RPS6KC1: variants seen among roughly 807,000 people sequenced by gnomAD.
RPS6KC1 encodes the protein ribosomal protein S6 kinase C1, also known as inactive ribosomal protein S6 kinase delta-1.
RPS6KC1 carries 54 observed loss-of-function variants against 103.8 expected under a neutral mutation model. The ratio of observed to expected loss-of-function variants is 0.52; its 90% CI spans 0.42 to 0.65. The LOEUF (loss-of-function observed/expected upper bound fraction) is 0.65, where lower values mean the gene tolerates loss of function less well. Among genes scored for constraint, RPS6KC1 ranks in the 30% least tolerant of loss-of-function variants. The pLI, the probability that RPS6KC1 is intolerant of heterozygous loss-of-function variation, is 0.00. For synonymous variants in RPS6KC1, 439 were observed against 438.7 expected (o/e 1.00, Z -0.01); for missense variants, 1,151 against 1,253.8 (o/e 0.92, Z 1.24).
At position 213,241,460 on chromosome 1, in the gene RPS6KC1, A is replaced by C. The variant is rs749169017; in HGVS notation, c.1984A>C (p.Arg662=). Residue 662 remains arginine, a synonymous_variant, in exon 11 of 15, where the codon AGG becomes CGG. Transcript: ENST00000366960. ...GTTTAAAGCTCAGGACACCATTAGC[A>C]GGGGCTCAGATGACTCAGTGCCAGT... ...VEFKAQDTIS[R]GSDDSVPVIS... 6.2e-7 allele frequency: 1 copy of C among 1,614,028 alleles called. No homozygotes were observed. Among genetic ancestry groups the C allele is most frequent in the Admixed American group, 1.7e-5 (1 of 59,966 alleles).
the RPS6KC1 span, among the ~76,000 whole-genome samples, chr1:213,344,992 C>G: frequency 6.6e-6 from 1 of 152,148 alleles, no homozygotes; most frequent in African/African-American, 2.4e-5. Context: ...GAAGAAAATG[C>G]AAATTCTTTT....
In RPS6KC1 at chr1:213,241,556, A is replaced by G; in HGVS notation, c.2080A>G (p.Asn694Asp). 6.2e-7 allele frequency: 1 copy of G among 1,613,920 alleles called. No homozygotes were observed. Among genetic ancestry groups the G allele is most frequent in the Non-Finnish European group, 8.5e-7 (1 of 1,179,936 alleles). Residue 694 changes from asparagine (N) to aspartate (D), a missense_variant, in exon 11 of 15, where the codon AAT (asparagine) becomes GAT (aspartate). Transcript: ENST00000366960. ...TDEGRPDLLV[N>D]LPGELESTRE... is the part of the protein sequence containing the mutation. ...TGAAGGAAGACCTGATCTTCTTGTA[A>G]ATTTACCTGGTGAATTGGAGTCAAC...
the RPS6KC1 span, among the ~76,000 whole-genome samples, chr1:213,693,249 C>T: frequency 6.6e-6 from 1 of 152,174 alleles, no homozygotes; most frequent in African/African-American, 2.4e-5. Context: ...TCTTGAACCC[C>T]CAGCCTCCTT....
chr1:213,781,009 C>T, the RPS6KC1 span, among the ~76,000 whole-genome samples: 7 of 152,004 alleles, frequency 4.6e-5, no homozygotes, highest in South Asian at 2.1e-4. Context: ...GGTAACAGAG[C>T]GAGATTCTGT....
At chr1:213,391,424 G>A in the RPS6KC1 span, among the ~76,000 whole-genome samples, 2 of 152,170 alleles carry the variant, frequency 1.3e-5, no homozygotes, top group Non-Finnish European at 2.9e-5. Flanking sequence ...TAAACAAGCA[G>A]AGGAGATGGA....
chr1:213,616,216 G>A, the RPS6KC1 span, among the ~76,000 whole-genome samples: 1 of 152,244 alleles, frequency 6.6e-6, no homozygotes, highest in Non-Finnish European at 1.5e-5. Context: ...ATGAGAGAAT[G>A]TAAGCAAATG....
At chr1:213,649,935 C>T in the RPS6KC1 span, among the ~76,000 whole-genome samples, 1 of 152,172 alleles carries the variant, frequency 6.6e-6, no homozygotes, top group Non-Finnish European at 1.5e-5. Context: ...CTAGACCTCT[C>T]GGCATTCATG....
chr1:213,730,461 A>G, the RPS6KC1 span, among the ~76,000 whole-genome samples: 2 of 152,160 alleles, frequency 1.3e-5, no homozygotes, highest in African/African-American at 4.8e-5. Flanking sequence ...AGTATTTGCC[A>G]TTCTGACTGG....
intron 3 of RPS6KC1, among the ~76,000 whole-genome samples, chr1:213,095,650 G>C (rs951676599): frequency 1.3e-5 from 2 of 152,160 alleles, no homozygotes; most frequent in Non-Finnish European, 2.9e-5. Flanking sequence ...AGATATTGCA[G>C]ATTTGGTTTC....
chr1:213,723,946 G>C, the RPS6KC1 span, among the ~76,000 whole-genome samples: 1 of 151,972 alleles, frequency 6.6e-6, no homozygotes, highest in Non-Finnish European at 1.5e-5. Context: ...TGGGGGGTTG[G>C]GGGGGACAGT....
the RPS6KC1 span, among the ~76,000 whole-genome samples, chr1:213,575,971 C>T: frequency 6.6e-6 from 1 of 152,058 alleles, no homozygotes; most frequent in Non-Finnish European, 1.5e-5. Context: ...GATCTGTTTC[C>T]CAAGAGTAAA....
At chr1:213,301,956 G>A in the RPS6KC1 span, among the ~76,000 whole-genome samples, 31 of 152,052 alleles carry the variant, frequency 2.0e-4, no homozygotes, top group Admixed American at 1.4e-3. Context: ...GGCAAGTCTC[G>A]AACTCCTGGC....
At chr1:213,071,345 T>C (rs1040196148) in intron 2 of RPS6KC1, among the ~76,000 whole-genome samples, 2 of 152,142 alleles carry the variant, frequency 1.3e-5, no homozygotes, top group African/African-American at 4.8e-5. Context: ...GCCAGGCTGG[T>C]CTCGAATTCC....
the RPS6KC1 span, among the ~76,000 whole-genome samples, chr1:213,848,102 T>G: frequency 6.6e-6 from 1 of 152,144 alleles, no homozygotes; most frequent in Non-Finnish European, 1.5e-5. Flanking sequence ...GTAGACCTCA[T>G]TAAGGAGGGA....
chr1:213,825,496 T>G, the RPS6KC1 span, among the ~76,000 whole-genome samples: 1 of 152,204 alleles, frequency 6.6e-6, no homozygotes, highest in Non-Finnish European at 1.5e-5. Flanking sequence ...GAGTTGTGAC[T>G]GAGGTTTTCT....
intron 5 of RPS6KC1, among the ~76,000 whole-genome samples, chr1:213,126,438 A>G (rs947312136): frequency 3.9e-5 from 6 of 152,252 alleles, no homozygotes; most frequent in African/African-American, 1.4e-4. Flanking sequence ...AAGTTGAAAA[A>G]AAGTTGAAAA....
chr1:213,664,410 T>C, the RPS6KC1 span, among the ~76,000 whole-genome samples: 49,114 of 151,926 alleles, frequency 0.32, 8,183 homozygotes, highest in Admixed American at 0.39. Flanking sequence ...TGGTCACATG[T>C]CCATGAAGCT....
chr1:213,469,349 G>T, the RPS6KC1 span, among the ~76,000 whole-genome samples: 1 of 152,132 alleles, frequency 6.6e-6, no homozygotes, highest in Non-Finnish European at 1.5e-5. Flanking sequence ...TGATTTTAAG[G>T]ATTTTTAAAA....
At chr1:213,453,511 G>A in the RPS6KC1 span, among the ~76,000 whole-genome samples, 1 of 152,114 alleles carries the variant, frequency 6.6e-6, no homozygotes, top group African/African-American at 2.4e-5. Context: ...GATTTGGAGG[G>A]AGGGTATTCT....
Sources: gnomAD v4.1 joint callset for allele counts (sites outside exome capture counted in the v4.1 genomes callset) on GRCh38, gnomAD v4.1.1 for gene constraint, MANE v1.5 for transcripts, NCBI Gene and HGNC (gene_info 2026-07-23, HGNC 2026-07-21) for gene names.